AGBL1: variants seen among roughly 807,000 people sequenced by gnomAD.
The protein encoded by AGBL1 is cytosolic carboxypeptidase 4.
AGBL1 carries 130 observed loss-of-function variants against 118.9 expected under a neutral mutation model. That is an observed-to-expected ratio of 1.09 (90% confidence interval 0.95 to 1.26). AGBL1 has a LOEUF of 1.26. Ranked by LOEUF, AGBL1 falls within the 50% of genes most tolerant of loss-of-function variation. The pLI is 0.00. For missense variants in AGBL1, 1,584 were observed against 1,298.1 expected (o/e 1.22, Z -3.38); for synonymous variants, 555 against 478.9 (o/e 1.16, Z -2.08).
intron 5 of AGBL1, among the ~76,000 whole-genome samples, chr15:86,224,008 A>G (rs2078319855): frequency 2.0e-5 from 3 of 152,240 alleles, no homozygotes; most frequent in African/African-American, 7.2e-5. Flanking sequence ...CTCTGCTGAC[A>G]TGTCTGTACA....
chr15:86,968,889 A>C (rs1026342785), intron 23 of AGBL1, among the ~76,000 whole-genome samples: 1 of 151,908 alleles, frequency 6.6e-6, no homozygotes, highest in African/African-American at 2.4e-5. Flanking sequence ...GGAAGAGGCA[A>C]GCAAGCTCCC....
chr15:86,108,651 C>CTA (rs1897187650), intron 1 of AGBL1, among the ~76,000 whole-genome samples: 1 of 152,120 alleles, frequency 6.6e-6, no homozygotes, highest in Non-Finnish European at 1.5e-5. Flanking sequence ...GCTCCAAGAT[C>CTA]TATAGCTAAC....
At chr15:86,362,610 A>G (rs1361758151) in intron 17 of AGBL1, among the ~76,000 whole-genome samples, 1 of 152,154 alleles carries the variant, frequency 6.6e-6, no homozygotes, top group Admixed American at 6.5e-5. Context: ...GCAGAGCAGG[A>G]CTGAAACAGA....
intron 22 of AGBL1, among the ~76,000 whole-genome samples, chr15:86,781,079 C>A (rs976428344): frequency 6.6e-6 from 1 of 151,354 alleles, no homozygotes; most frequent in Non-Finnish European, 1.5e-5. Flanking sequence ...TAAATAGCAC[C>A]CTTTAAAATA....
chr15:86,934,210 G>A (rs2141640564), intron 23 of AGBL1, among the ~76,000 whole-genome samples: 1 of 152,288 alleles, frequency 6.6e-6, no homozygotes, highest in Admixed American at 6.5e-5. Context: ...CCTCTCCAAG[G>A]AGACTTGTTC....
At chr15:86,610,041 A>G (rs1188569104) in intron 21 of AGBL1, among the ~76,000 whole-genome samples, 1 of 152,182 alleles carries the variant, frequency 6.6e-6, no homozygotes, top group Non-Finnish European at 1.5e-5. Flanking sequence ...TGTCCCCCCC[A>G]TCTCCACCAA....
chr15:86,304,232 T>C (rs1257319978), intron 17 of AGBL1, among the ~76,000 whole-genome samples: 1 of 152,086 alleles, frequency 6.6e-6, no homozygotes, highest in East Asian at 1.9e-4. Context: ...AAATGCTTCA[T>C]CCCTACTAAC....
intron 5 of AGBL1, among the ~76,000 whole-genome samples, chr15:86,167,839 G>A (rs1326973078): frequency 6.6e-6 from 1 of 152,182 alleles, no homozygotes; most frequent in Non-Finnish European, 1.5e-5. Flanking sequence ...AAAGCTTTCT[G>A]CCTAAGTTCA....
chr15:86,143,958 G>T, intron 3 of AGBL1, 113 bp downstream of exon 3: 2 of 1,327,224 alleles, frequency 1.5e-6, no homozygotes, highest in Non-Finnish European at 2.0e-6. Context: ...CGTCAGGGAG[G>T]TTCTGGACAA....
At chr15:86,547,718 T>C (rs1192709715) in intron 20 of AGBL1, among the ~76,000 whole-genome samples, 1 of 152,198 alleles carries the variant, frequency 6.6e-6, no homozygotes, top group Non-Finnish European at 1.5e-5. Flanking sequence ...TAGACATTAA[T>C]GCTCACCTAT....
intron 22 of AGBL1, among the ~76,000 whole-genome samples, chr15:86,834,052 C>G (rs1418927056): frequency 6.6e-6 from 1 of 152,102 alleles, no homozygotes; most frequent in African/African-American, 2.4e-5. Flanking sequence ...AAGAGCTACT[C>G]TGCTGGAGGT....
chr15:86,387,198 G>T (rs541857915), intron 17 of AGBL1, among the ~76,000 whole-genome samples: 1 of 152,254 alleles, frequency 6.6e-6, no homozygotes, highest in Admixed American at 6.5e-5. Context: ...ATCAAGAAAA[G>T]CTTCAGGTGG....
At chr15:86,656,989 C>G (rs926712269) in intron 21 of AGBL1, among the ~76,000 whole-genome samples, 3 of 152,158 alleles carry the variant, frequency 2.0e-5, no homozygotes, top group South Asian at 4.1e-4. Context: ...TACCTGCTCC[C>G]CAGCCCTCCA....
In AGBL1 at chr15:86,282,465, G is replaced by A. The variant is rs541225180; in HGVS notation, c.2220+2682G>A. Among the ~76,000 whole-genome samples, 143 of 152,270 alleles carry A rather than the reference G, an allele frequency of 9.4e-4. No homozygotes were observed. The Middle Eastern group carries it at 0.01, about 11-fold the overall frequency. On this transcript the variant is annotated intron_variant, in intron 16 of 22. Coordinates refer to ENST00000614907, the MANE Select transcript of AGBL1 (RefSeq NM_001386094.1). ...AAGTTTGTGGAGAGTTAATGAGAAA[G>A]AGGGATAACTTATTTCTCCTAAATG...
chr15:86,793,369 C>T (rs566466825), intron 22 of AGBL1, among the ~76,000 whole-genome samples: 32 of 152,216 alleles, frequency 2.1e-4, no homozygotes, highest in Admixed American at 1.4e-3. Context: ...ACAAGAGTTC[C>T]AAGATCATTC....
chr15:86,441,420 C>T (rs1291068791), intron 18 of AGBL1, among the ~76,000 whole-genome samples: 1 of 152,146 alleles, frequency 6.6e-6, no homozygotes, highest in East Asian at 1.9e-4. Context: ...AAATGTACCA[C>T]CTTTTAAGCA....
intron 21 of AGBL1, among the ~76,000 whole-genome samples, chr15:86,657,508 G>A (rs1228138593): frequency 6.6e-6 from 1 of 152,172 alleles, no homozygotes; most frequent in Non-Finnish European, 1.5e-5. Context: ...CATATTGACT[G>A]GAGGTGACGT....
intron 21 of AGBL1, among the ~76,000 whole-genome samples, chr15:86,589,033 A>G (rs1019173022): frequency 6.6e-6 from 1 of 152,118 alleles, no homozygotes; most frequent in African/African-American, 2.4e-5. Context: ...ATATATGTAT[A>G]TATACACTGT....
At chr15:86,198,859 C>T (rs1248395355) in intron 5 of AGBL1, among the ~76,000 whole-genome samples, 1 of 152,116 alleles carries the variant, frequency 6.6e-6, no homozygotes, top group African/African-American at 2.4e-5. Context: ...CTTAAGCCAC[C>T]TAGTCTTGAT....
Sources: gnomAD v4.1 joint callset for allele counts (sites outside exome capture counted in the v4.1 genomes callset) on GRCh38, gnomAD v4.1.1 for gene constraint, MANE v1.5 for transcripts, NCBI Gene and HGNC (gene_info 2026-07-23, HGNC 2026-07-21) for gene names.